Variants in COL12A1 observed in about 807,000 individuals in gnomAD.
COL12A1 encodes the protein collagen alpha-1(XII) chain.
Under a neutral mutation model 349.7 loss-of-function variants are expected in COL12A1, and 114 were observed. The ratio of observed to expected loss-of-function variants is 0.33; its 90% CI spans 0.28 to 0.38. COL12A1 has a LOEUF of 0.38. Ranked by LOEUF, COL12A1 falls within the 10% of genes least tolerant of loss-of-function variation. The pLI, the probability that COL12A1 is intolerant of heterozygous loss-of-function variation, is 1.00. For missense variants in COL12A1, 3,284 were observed against 3,756.9 expected (o/e 0.87, Z 3.29); for synonymous variants, 1,369 against 1,329.0 (o/e 1.03, Z -0.66).
At position 75,115,775 on chromosome 6, in the gene COL12A1, C is replaced by G. The variant is rs772047565; in HGVS notation, c.7697+9G>C. The G allele has an allele frequency of 6.3e-7, 1 of 1,584,136 alleles. No individual in the cohort carries two copies. The highest frequency in any genetic ancestry group is 2.2e-5 in the East Asian group (1 of 44,592). On this transcript the variant is annotated intron_variant, in intron 49 of 65. Coordinates refer to ENST00000322507, the MANE Select transcript of COL12A1 (RefSeq NM_004370.6). ...TAAGAAAAGGAAAACCTCCTGTTGTCACACTTACGCTGTAGGCTGATTCAC... is the reference window on the plus strand; with the variant it reads ...TAAGAAAAGGAAAACCTCCTGTTGTGACACTTACGCTGTAGGCTGATTCAC...
At position 75,130,154 on chromosome 6, in the gene COL12A1, A is replaced by C. The variant is rs200777154; in HGVS notation, c.6147T>G (p.Asp2049Glu). The C allele has an allele frequency of 5.0e-6, 8 of 1,614,004 alleles. No individual in the cohort carries two copies. Among genetic ancestry groups the C allele is most frequent in the Non-Finnish European group, 6.8e-6 (8 of 1,179,974 alleles). The part of the protein sequence containing the change: ...NSLSVAWDHA[D>E]GPVQQYRIIY... Reference sequence around the variant, plus strand: ...TGATCCTGTACTGCTGAACTGGCCCATCAGCATGATCCCAGGCTACCGAGA... The same window carrying C: ...TGATCCTGTACTGCTGAACTGGCCCCTCAGCATGATCCCAGGCTACCGAGA... The change falls in exon 37 of 66, where the codon GAT (aspartate) becomes GAG (glutamate). Residue 2049 changes from aspartate to glutamate, a missense_variant. Asp to Glu is a conservative substitution (Grantham distance 45). Transcript: ENST00000322507.
Position 75,184,093 on chromosome 6 carries a change from A to G in COL12A1, c.1049T>C (p.Val350Ala). Residue 350 changes from valine (V) to alanine (A), a missense_variant, in exon 9 of 66, where the codon GTT (valine) becomes GCT (alanine). Val to Ala is a moderately conservative substitution (Grantham distance 64). Around this residue, in one of 2 missense-constraint regions of COL12A1, gnomAD observed 2,601 missense variants for 2,824.8 expected, o/e 0.92. Coordinates refer to ENST00000322507, the MANE Select transcript of COL12A1 (RefSeq NM_004370.6). The part of the protein sequence containing the change: ...LIAMEVSSKY[V>A]KLNWNPSPSP... The stretch of plus-strand genomic sequence containing the variant: ...AGGAGATGGATTCCAATTTAGCTTA[A>G]CATATTTTGAAGAGACTTCCATGGC... 1 of 1,614,166 alleles carries G rather than the reference A, an allele frequency of 6.2e-7. No homozygotes were observed. The highest frequency in any genetic ancestry group is 8.5e-7 in the Non-Finnish European group (1 of 1,180,026).
chr6:75,160,117 T>C (rs1767962755), intron 14 of COL12A1, among the ~76,000 whole-genome samples: 2 of 150,898 alleles, frequency 1.3e-5, no homozygotes, highest in South Asian at 4.1e-4. Context: ...TTTACATCAT[T>C]GATTGGATAC....
chr6:75,173,384 T>A (rs60630485), intron 13 of COL12A1, among the ~76,000 whole-genome samples: 67 of 152,208 alleles, frequency 4.4e-4, no homozygotes, highest in Middle Eastern at 6.8e-3. Flanking sequence ...TATTATTATT[T>A]TTTTTTTTTG....
At chr6:75,092,082 G>C (rs569918216) in intron 60 of COL12A1, among the ~76,000 whole-genome samples, 2 of 151,954 alleles carry the variant, frequency 1.3e-5, no homozygotes, top group Non-Finnish European at 2.9e-5. Flanking sequence ...CATCATTCTC[G>C]GCAAACTATC....
rs374995108 is a variant in COL12A1, at chr6:75,124,375, C to T, written c.6608-4G>A. On this transcript the variant is annotated splice_polypyrimidine_tract_variant and splice_region_variant and intron_variant, in intron 40 of 65. Coordinates refer to ENST00000322507, the MANE Select transcript of COL12A1 (RefSeq NM_004370.6). ...AGATCTGTTACATTTAAATATACTA[C>T]AAAATAAAGAAAGAAAGAGATTTAC... 132 of 1,570,498 alleles carry T rather than the reference C, an allele frequency of 8.4e-5. No homozygotes were observed. The highest frequency in any genetic ancestry group is 1.1e-4 in the Non-Finnish European group (127 of 1,148,410).
In COL12A1 at chr6:75,090,428, T is replaced by G; in HGVS notation, c.8753-130A>C. ...AACCCCTCTAAGGAAACAATCTAAT[T>G]AGAATCCTAAAAATAAAATTAAGAC... On this transcript the variant is annotated intron_variant, in intron 62 of 65. Coordinates refer to ENST00000322507, the MANE Select transcript of COL12A1 (RefSeq NM_004370.6). This position sits in a 1 kb window ranked among gnomAD's most constrained non-coding sequence, Gnocchi z 4.1. The G allele has an allele frequency of 1.2e-6, 1 of 847,844 alleles. No homozygotes were observed. Among genetic ancestry groups the G allele is most frequent in the East Asian group, 2.7e-5 (1 of 37,402 alleles). 52.5% of individuals were successfully genotyped at this position (847,844 alleles called of 1,614,324 possible).
intron 13 of COL12A1, among the ~76,000 whole-genome samples, chr6:75,168,160 T>C (rs1029918534): frequency 2.0e-5 from 3 of 152,210 alleles, no homozygotes; most frequent in African/African-American, 7.2e-5. Flanking sequence ...TATGGGTTTC[T>C]TACATGTCAA....
At chr6:75,179,185 C>A (rs73463812) in intron 11 of COL12A1, among the ~76,000 whole-genome samples, 20,575 of 152,128 alleles carry the variant, frequency 0.14, 1,891 homozygotes, top group African/African-American at 0.24. Context: ...TCAACTAAAG[C>A]AAATTTAAAT....
chr6:75,134,580 G>T, intron 32 of COL12A1, 146 bp downstream of exon 32: 1 of 736,682 alleles, frequency 1.4e-6, no homozygotes, highest in Non-Finnish European at 1.8e-6. Context: ...CAAAAAAAAA[G>T]AAAAGAAAAA....
chr6:75,148,709 G>C (rs1767328422), intron 21 of COL12A1, among the ~76,000 whole-genome samples: 1 of 152,082 alleles, frequency 6.6e-6, no homozygotes, highest in South Asian at 2.1e-4. Context: ...AGCCTCAAAA[G>C]ATTAAAACAT....
chr6:75,194,767 G>T, intron 3 of COL12A1, 64 bp downstream of exon 3: 2 of 981,256 alleles, frequency 2.0e-6, no homozygotes, highest in Non-Finnish European at 3.1e-6. Context: ...AAGGGGAGAA[G>T]AGGTGGAGAT....
At chr6:75,169,731 A>G (rs1017488146) in intron 13 of COL12A1, among the ~76,000 whole-genome samples, 1 of 152,144 alleles carries the variant, frequency 6.6e-6, no homozygotes, top group African/African-American at 2.4e-5. Flanking sequence ...ACAAGTCATC[A>G]TCTACAATGA....
rs780568012 is a variant in COL12A1 at position 75,151,930 on chromosome 6, G to T, written c.3937C>A (p.Gln1313Lys). 4 of 1,613,864 alleles carry T rather than the reference G, an allele frequency of 2.5e-6. No individual in the cohort carries two copies. In the Admixed American group the frequency reaches 6.7e-5, roughly 27 times the overall value. ...TTTGAAGGTGCTTCAACATCGTCTTGTGATTTTCCATCAGTAATGAGCACA... is the reference window on the plus strand; with the variant it reads ...TTTGAAGGTGCTTCAACATCGTCTTTTGATTTTCCATCAGTAATGAGCACA... ...IGVLITDGKS[Q>K]DDVEAPSKKL... The change falls in exon 20 of 66, where the codon CAA (glutamine) becomes AAA (lysine). Residue 1313 changes from glutamine (Q) to lysine (K), a missense_variant. Physicochemically the swap from Gln to Lys is moderately conservative, Grantham distance 53. Transcript: ENST00000322507.
intron 14 of COL12A1, among the ~76,000 whole-genome samples, chr6:75,163,540 A>G (rs995198604): frequency 2.6e-5 from 4 of 152,318 alleles, no homozygotes; most frequent in Non-Finnish European, 5.9e-5. Flanking sequence ...GAGGGATAGC[A>G]TTAGGAGAAA....
intron 33 of COL12A1, 68 bp downstream of exon 33, chr6:75,133,790 G>T: frequency 6.3e-7 from 1 of 1,574,994 alleles, no homozygotes; most frequent in Non-Finnish European, 8.7e-7. Context: ...AACTCCTTCA[G>T]TTCCACTTTT....
Position 75,119,065 on chromosome 6 carries a change from C to T in COL12A1, c.7332G>A (p.Ala2444=), listed in dbSNP as rs779567949. 8.1e-6 allele frequency: 13 copies of T among 1,613,798 alleles called. No individual in the cohort carries two copies. Among genetic ancestry groups the T allele is most frequent in the Middle Eastern group, 1.6e-4 (1 of 6,082 alleles). Residue 2444 remains alanine, a synonymous_variant, in exon 46 of 66, where the codon GCG becomes GCA. Transcript: ENST00000322507. ...DGRSQDEVKK[A]ALVIQQSGFS... The stretch of plus-strand genomic sequence containing the variant: ...TGCCTGACTGCTGGATGACCAAAGC[C>T]GCCTTCTTGACCTCATCCTGGGACC...
At chr6:75,134,436 T>C (rs902191214) in intron 32 of COL12A1, among the ~76,000 whole-genome samples, 7 of 152,084 alleles carry the variant, frequency 4.6e-5, no homozygotes, top group African/African-American at 1.4e-4. Flanking sequence ...CCGGGTGTGG[T>C]GGTGTGCACC....
intron 5 of COL12A1, 44 bp from the exon 6 acceptor site, chr6:75,189,859 C>A (rs762449621): frequency 1.9e-6 from 3 of 1,592,902 alleles, no homozygotes; most frequent in South Asian, 1.1e-5. Context: ...TTTATTAAAT[C>A]AACTCATCAA....
Sources: allele counts gnomAD v4.1 joint callset (sites outside exome capture counted in the v4.1 genomes callset), GRCh38; gene constraint gnomAD v4.1.1; regional missense constraint gnomAD v4.1.1; non-coding constraint Gnocchi (gnomAD v3.1); transcripts MANE v1.5; gene names NCBI Gene and HGNC (gene_info 2026-07-23, HGNC 2026-07-21).